Variants in ZNF536 observed in about 807,000 individuals in gnomAD.
The protein encoded by ZNF536 is zinc finger protein 536.
Under a neutral mutation model 84.5 loss-of-function variants are expected in ZNF536, and 13 were observed. The observed-to-expected ratio is 0.15, with a 90% confidence interval of 0.10 to 0.24. The LOEUF (loss-of-function observed/expected upper bound fraction) is 0.24. Ranked by LOEUF, ZNF536 falls within the 10% of genes least tolerant of loss-of-function variation. The pLI is 1.00. For synonymous variants in ZNF536, 811 were observed against 742.5 expected (o/e 1.09, Z -1.50); for missense variants, 1,536 against 1,747.5 (o/e 0.88, Z 2.16).
intron 1 of ZNF536, among the ~76,000 whole-genome samples, chr19:30,240,436 G>C (rs770419982): frequency 6.6e-6 from 1 of 152,104 alleles, no homozygotes; most frequent in Non-Finnish European, 1.5e-5. Context: ...AGAACCCCAA[G>C]GGGACTGTAT....
chr19:30,663,631 G>C (rs1409640028), intron 1 of ZNF536, among the ~76,000 whole-genome samples: 1 of 151,992 alleles, frequency 6.6e-6, no homozygotes, highest in East Asian at 1.9e-4. Context: ...TTACTGCCTT[G>C]TTCTGTCCTG....
intron 1 of ZNF536, among the ~76,000 whole-genome samples, chr19:30,389,724 AT>A (rs1387465678): frequency 6.6e-6 from 1 of 152,116 alleles, no homozygotes. Flanking sequence ...ATCCTAGCAG[AT>A]TCTTTTTCTA....
chr19:30,443,065 A>G (rs2052136165), intron 1 of ZNF536, among the ~76,000 whole-genome samples: 1 of 147,782 alleles, frequency 6.8e-6, no homozygotes, highest in South Asian at 2.1e-4. Context: ...TTTTTGGCCA[A>G]ATCATAAAAT....
chr19:30,289,943 G>T (rs182587098), intron 2 of ZNF536, among the ~76,000 whole-genome samples: 1 of 152,128 alleles, frequency 6.6e-6, no homozygotes, highest in African/African-American at 2.4e-5. Flanking sequence ...GCATTAAATA[G>T]TTACATCACT....
intron 1 of ZNF536, among the ~76,000 whole-genome samples, chr19:30,676,014 C>A (rs1041839291): frequency 1.3e-5 from 2 of 151,752 alleles, no homozygotes; most frequent in African/African-American, 2.4e-5. Flanking sequence ...TGAGCCACTA[C>A]ATCAGGCTAA....
rs1440360727 is a variant in ZNF536, at chr19:30,577,885, T to C, written c.169+28371T>C. 3.9e-5 allele frequency among the ~76,000 whole-genome samples: 6 copies of C among 152,238 alleles called. No individual in the cohort carries two copies. In the East Asian group the frequency reaches 7.7e-4, roughly 20 times the overall value. On this transcript the variant is annotated intron_variant, in intron 1 of 1. Transcript: ENST00000592773. ...CTACTTTTCAAAGGCCACATTCCAATTGAAGCTCATTAAAATCAGACTCAA... is the reference window on the plus strand; with the variant it reads ...CTACTTTTCAAAGGCCACATTCCAACTGAAGCTCATTAAAATCAGACTCAA...
intron 1 of ZNF536, among the ~76,000 whole-genome samples, chr19:30,441,594 A>G (rs551283904): frequency 2.0e-5 from 3 of 152,106 alleles, no homozygotes; most frequent in Admixed American, 6.5e-5. Flanking sequence ...CCTCCATGGG[A>G]TATTAGCTTT....
chr19:30,629,161 A>G (rs1258167808), intron 1 of ZNF536, among the ~76,000 whole-genome samples: 1 of 152,086 alleles, frequency 6.6e-6, no homozygotes, highest in African/African-American at 2.4e-5. Flanking sequence ...GCTCAGTGCC[A>G]AGTGCTGGGC....
chr19:30,311,497 C>G (rs1308740414), intron 2 of ZNF536, among the ~76,000 whole-genome samples: 2 of 152,222 alleles, frequency 1.3e-5, no homozygotes, highest in African/African-American at 4.8e-5. Flanking sequence ...GCTTAGCCTG[C>G]TCACTGGATA....
At chr19:30,410,264 G>A (rs970514056) in intron 1 of ZNF536, among the ~76,000 whole-genome samples, 3 of 151,726 alleles carry the variant, frequency 2.0e-5, no homozygotes, top group African/African-American at 7.3e-5. Flanking sequence ...TTATTTTGAT[G>A]TATATCCTTA....
chr19:30,328,352 G>A (rs751879193), intron 2 of ZNF536, among the ~76,000 whole-genome samples: 7 of 152,134 alleles, frequency 4.6e-5, no homozygotes, highest in Non-Finnish European at 7.4e-5. Flanking sequence ...ATTCTCATTC[G>A]AGCTCATGTC....
At chr19:30,595,621 A>C (rs1332658287) in intron 1 of ZNF536, among the ~76,000 whole-genome samples, 1 of 152,060 alleles carries the variant, frequency 6.6e-6, no homozygotes, top group Non-Finnish European at 1.5e-5. Context: ...GGTTATTTGT[A>C]CCTCGAACTG....
chr19:30,681,337 G>A (rs2050963903), intron 1 of ZNF536, among the ~76,000 whole-genome samples: 1 of 152,182 alleles, frequency 6.6e-6, no homozygotes, highest in African/African-American at 2.4e-5. Context: ...CTAAGTTTGA[G>A]TCAACAGGCA....
chr19:30,593,709 G>A (rs1357967674), intron 1 of ZNF536, among the ~76,000 whole-genome samples: 1 of 152,072 alleles, frequency 6.6e-6, no homozygotes, highest in East Asian at 1.9e-4. Flanking sequence ...TGGAAATTTA[G>A]GACTCTAAGA....
intron 2 of ZNF536, among the ~76,000 whole-genome samples, chr19:30,448,562 C>T (rs539576612): frequency 1.3e-5 from 2 of 152,288 alleles, no homozygotes; most frequent in Admixed American, 6.5e-5. Context: ...ATAACAATGT[C>T]GCAAAACTTA....
chr19:30,707,633 C>T (rs1276128079), intron 1 of ZNF536, among the ~76,000 whole-genome samples: 1 of 152,134 alleles, frequency 6.6e-6, no homozygotes, highest in Non-Finnish European at 1.5e-5. Flanking sequence ...ACATTGTCTT[C>T]TTGAAGTGGG....
chr19:30,434,372 C>T (rs552966525), intron 1 of ZNF536, among the ~76,000 whole-genome samples: 17 of 152,158 alleles, frequency 1.1e-4, no homozygotes, highest in African/African-American at 2.2e-4. Context: ...TGTCTTTGTG[C>T]GTCTTCTGTT....
intron 3 of ZNF536, among the ~76,000 whole-genome samples, chr19:30,540,190 C>G (rs915623400): frequency 1.3e-5 from 2 of 152,220 alleles, no homozygotes; most frequent in African/African-American, 2.4e-5. Flanking sequence ...CCGGCACCCC[C>G]CAACTCCTGG....
intron 2 of ZNF536, among the ~76,000 whole-genome samples, chr19:30,500,173 G>T (rs910200014): frequency 4.6e-5 from 7 of 152,232 alleles, no homozygotes; most frequent in Admixed American, 4.6e-4. Flanking sequence ...TTCAGGAGAA[G>T]CTGCTTCTAA....
Sources: allele counts gnomAD v4.1 joint callset (sites outside exome capture counted in the v4.1 genomes callset), GRCh38; gene constraint gnomAD v4.1.1; transcripts MANE v1.5; gene names NCBI Gene and HGNC (gene_info 2026-07-23, HGNC 2026-07-21).